The following SMNDC1 variants were observed in gnomAD, a reference collection of about 807,000 sequenced individuals.
SMNDC1 encodes survival of motor neuron-related-splicing factor 30.
Under a neutral mutation model 29.2 loss-of-function variants are expected in SMNDC1, and 5 were observed. The ratio of observed to expected loss-of-function variants is 0.17; its 90% CI spans 0.09 to 0.36. SMNDC1 has a LOEUF of 0.36. SMNDC1 is among the 10% of genes least tolerant of loss of function. The pLI, the probability that SMNDC1 is intolerant of heterozygous loss-of-function variation, is 1.00. For synonymous variants in SMNDC1, 80 were observed against 89.9 expected (o/e 0.89, Z 0.62); for missense variants, 142 against 268.5 (o/e 0.53, Z 3.29).
At chr10:110,300,077 ATCTGG>A (rs2134502820) in intron 2 of SMNDC1, among the ~76,000 whole-genome samples, 1 of 152,336 alleles carries the variant, frequency 6.6e-6, no homozygotes, top group African/African-American at 2.4e-5. Context: ...AGAGTAAATT[ATCTGG>A]TCTTATTTTT....
In SMNDC1 at chr10:110,303,578, C is replaced by T; in HGVS notation, c.10G>A (p.Asp4Asn). The T allele has an allele frequency of 6.3e-7, 1 of 1,583,316 alleles. No homozygotes were observed. Among genetic ancestry groups the T allele is most frequent in the Non-Finnish European group, 8.6e-7 (1 of 1,169,400 alleles). MSE[D>N]LAKQLASYKA... ...TAGCTTGCCAGCTGCTTTGCTAAAT[C>T]CTCTGACATCTAGGGAAAATAAAAA... Residue 4 changes from aspartate to asparagine, a missense_variant, in exon 2 of 6, where the codon GAT becomes AAT. By Grantham distance (23) the Asp-to-Asn change is conservative (BLOSUM62 1). Coordinates refer to ENST00000369603, the MANE Select transcript of SMNDC1 (RefSeq NM_005871.4).
chr10:110,297,613 C>T lies in SMNDC1; in HGVS notation c.379G>A (p.Glu127Lys). Residue 127 changes from glutamate to lysine, a missense_variant, in exon 4 of 6, where the codon GAA becomes AAA. By Grantham distance (56) the Glu-to-Lys change is moderately conservative. Transcript: ENST00000369603. ...TPLLNLKPVE[E>K]GRKAKEDSGN... ...CTGTCCTCCTTTGCCTTCCTTCCTT[C>T]TTCTACAGGCTTGAGGTTCAACAGT... The T allele has an allele frequency of 6.2e-7, 1 of 1,614,000 alleles. No individual in the cohort carries two copies. Among genetic ancestry groups the T allele is most frequent in the Non-Finnish European group, 8.5e-7 (1 of 1,179,934 alleles).
At chr10:110,294,640 T>C (rs958806546) in intron 5 of SMNDC1, among the ~76,000 whole-genome samples, 2 of 152,260 alleles carry the variant, frequency 1.3e-5, no homozygotes, top group Non-Finnish European at 2.9e-5. Flanking sequence ...GGGCCTGTTA[T>C]GATAGCCAAA....
chr10:110,303,670 T>A (rs1857692664), intron 1 of SMNDC1, 83 bp from the exon 2 acceptor site: 2 of 1,417,738 alleles, frequency 1.4e-6, no homozygotes, highest in Non-Finnish European at 1.9e-6. Flanking sequence ...TCTGCCTGAA[T>A]TACCAGTTTT....
intron 2 of SMNDC1, among the ~76,000 whole-genome samples, chr10:110,302,431 G>C (rs1206876975): frequency 6.6e-6 from 1 of 152,156 alleles, no homozygotes; most frequent in Admixed American, 6.5e-5. Context: ...TGTAGAACTT[G>C]AAAGTATTCA....
rs1477959785 is a variant in SMNDC1 at position 110,297,649 on chromosome 10, C to T, written c.343G>A (p.Glu115Lys). The T allele has an allele frequency of 6.2e-7, 1 of 1,613,922 alleles. No homozygotes were observed. The highest frequency in any genetic ancestry group is 8.5e-7 in the Non-Finnish European group (1 of 1,179,952). ...TTGAGGTTCAACAGTGGAGTCACTT[C>T]AGCATTGCCATAACCAGCAAAGGTG... The part of the protein sequence containing the change: ...AITFAGYGNA[E>K]VTPLLNLKPV... The change falls in exon 4 of 6, where the codon GAA (glutamate) becomes AAA (lysine). Residue 115 changes from glutamate (E) to lysine (K), a missense_variant. Around this residue, in one of 4 missense-constraint regions of SMNDC1, gnomAD observed 54 missense variants for 152.1 expected, o/e 0.36. Coordinates refer to ENST00000369603, the MANE Select transcript of SMNDC1 (RefSeq NM_005871.4).
At position 110,294,166 on chromosome 10, in the gene SMNDC1, T is replaced by TGCCTGACATTGTATTTAGAG; in HGVS notation, c.681_700dup (p.His234ProfsTer9). 1 of 1,590,058 alleles carries TGCCTGACATTGTATTTAGAG rather than the reference T, an allele frequency of 6.3e-7. No homozygotes were observed. Among genetic ancestry groups the TGCCTGACATTGTATTTAGAG allele is most frequent in the Non-Finnish European group, 8.5e-7 (1 of 1,171,368 alleles). On this transcript the variant is annotated frameshift_variant, in exon 6 of 6. Transcript: ENST00000369603. LOFTEE classifies it high-confidence loss of function. ...TTTTTCTGATTATTGAGGCATCAAA[T>TGCCTGACATTGTATTTAGAG]GCCTGACATTGTATTTAGAGGTATC...
chr10:110,293,802 G>A lies in SMNDC1; in HGVS notation c.*348C>T, dbSNP rs1391671555. The A allele has an allele frequency of 6.2e-6, 1 of 160,302 alleles. No homozygotes were observed. The highest frequency in any genetic ancestry group is 2.4e-5 in the African/African-American group (1 of 41,786). 9.9% of individuals were successfully genotyped at this position (160,302 alleles called of 1,614,324 possible). A position where few individuals can be genotyped will look rare whatever the true frequency, so the allele number is the denominator to read the frequency against. Reference sequence around the variant, plus strand: ...TGCTAGAGTATGTGTCAAGTTCAAAGCATCTGAAAATTTCAAGTTACAACT... The same window carrying A: ...TGCTAGAGTATGTGTCAAGTTCAAAACATCTGAAAATTTCAAGTTACAACT... On this transcript the variant is annotated 3_prime_UTR_variant, in exon 6 of 6. Coordinates refer to ENST00000369603, the MANE Select transcript of SMNDC1 (RefSeq NM_005871.4).
chr10:110,303,306 G>T (rs895556350), intron 2 of SMNDC1, among the ~76,000 whole-genome samples, 162 bp downstream of exon 2: 2 of 152,170 alleles, frequency 1.3e-5, no homozygotes, highest in African/African-American at 4.8e-5. Context: ...AGAAACCTGA[G>T]AACTGGGGAA....
chr10:110,298,393 A>G (rs1857597747), intron 3 of SMNDC1, among the ~76,000 whole-genome samples: 2 of 152,218 alleles, frequency 1.3e-5, no homozygotes, highest in African/African-American at 4.8e-5. Flanking sequence ...AATTTAGATT[A>G]TTTTAGAAAA....
rs1857522808 is a variant in SMNDC1, at chr10:110,293,472, A to G, written c.*678T>C. 1 of 152,522 alleles carries G rather than the reference A, an allele frequency of 6.6e-6. No homozygotes were observed. The highest frequency in any genetic ancestry group is 1.5e-5 in the Non-Finnish European group (1 of 68,018). 9.4% of individuals were successfully genotyped at this position (152,522 alleles called of 1,614,324 possible). ...TACCACTGCCGTAAATGGAAAAAACAAAAAACAGGAAAAAAGCAAACATAC... is the reference window on the plus strand; with the variant it reads ...TACCACTGCCGTAAATGGAAAAAACGAAAAACAGGAAAAAAGCAAACATAC... On this transcript the variant is annotated 3_prime_UTR_variant, in exon 6 of 6. Coordinates refer to ENST00000369603, the MANE Select transcript of SMNDC1 (RefSeq NM_005871.4).
rs1465085970 is a variant in SMNDC1, at chr10:110,291,421, A to G, written c.*2729T>C. The G allele has an allele frequency of 6.6e-6, 1 of 152,218 alleles. No individual in the cohort carries two copies. The highest frequency in any genetic ancestry group is 2.4e-5 in the African/African-American group (1 of 41,458). The allele number at this position is 152,218 out of a possible 1,614,324, so 9.4% of individuals were successfully genotyped here. A position where few individuals can be genotyped will look rare whatever the true frequency, so the allele number is the denominator to read the frequency against. The stretch of plus-strand genomic sequence containing the variant: ...GGTAATTTGATAACACTTCAATAAT[A>G]CAGTTATAATTGGATGCCTCAAATC... On this transcript the variant is annotated 3_prime_UTR_variant, in exon 6 of 6. Transcript: ENST00000369603.
In SMNDC1 at chr10:110,298,856, T is replaced by A. The variant is rs1214419719; in HGVS notation, c.121-66A>T. ...TTCTCATTGTCAACTTAGTTTCTGA[T>A]GACAGCCTTCATACTGTACGTTAAG... On this transcript the variant is annotated intron_variant, in intron 2 of 5. Transcript: ENST00000369603. 9 of 1,295,232 alleles carry A rather than the reference T, an allele frequency of 6.9e-6. 1 individual carries two copies. The highest frequency in any genetic ancestry group is 4.1e-4 in the Middle Eastern group (2 of 4,838). 80.2% of individuals were successfully genotyped at this position (1,295,232 alleles called of 1,614,324 possible). A position where few individuals can be genotyped will look rare whatever the true frequency, so the allele number is the denominator to read the frequency against.
At position 110,302,364 on chromosome 10, in the gene SMNDC1, A is replaced by C. The variant is rs117129020; in HGVS notation, c.120+1104T>G. Among the ~76,000 whole-genome samples the C allele has an allele frequency of 1.9e-3, 290 of 152,322 alleles. 5 individuals carry two copies. In the East Asian group the frequency reaches 0.051, roughly 27 times the overall value. On this transcript the variant is annotated intron_variant, in intron 2 of 5. Coordinates refer to ENST00000369603, the MANE Select transcript of SMNDC1 (RefSeq NM_005871.4). Reference sequence around the variant, plus strand: ...GAGGGGTCTTGTTCATATTGAAATTAACCCAGATAGTTTGTGTGTGTTTAA... The same window carrying C: ...GAGGGGTCTTGTTCATATTGAAATTCACCCAGATAGTTTGTGTGTGTTTAA...
At chr10:110,295,169 AGTTATTTTAAT>A in intron 5 of SMNDC1, 48 bp downstream of exon 5, 1 of 1,455,408 alleles carries the variant, frequency 6.9e-7, no homozygotes, top group Non-Finnish European at 9.3e-7. Flanking sequence ...TTCATTTTAA[AGTTATTTTAAT>A]GACAGTTGCA....
In SMNDC1 at chr10:110,291,119, G is replaced by T. The variant is rs1857494988; in HGVS notation, c.*3031C>A. The T allele has an allele frequency of 6.6e-6, 1 of 152,166 alleles. No individual in the cohort carries two copies. Among genetic ancestry groups the T allele is most frequent in the African/African-American group, 2.4e-5 (1 of 41,434 alleles). The allele number at this position is 152,166 out of a possible 1,614,324, so 9.4% of individuals were successfully genotyped here. A position where few individuals can be genotyped will look rare whatever the true frequency, so the allele number is the denominator to read the frequency against. On this transcript the variant is annotated 3_prime_UTR_variant, in exon 6 of 6. Coordinates refer to ENST00000369603, the MANE Select transcript of SMNDC1 (RefSeq NM_005871.4). ...CCTAGTCTTCATGATTAGGCTAAAA[G>T]GTAATTTTTCTTCATTTCCAAAGTC...
intron 2 of SMNDC1, among the ~76,000 whole-genome samples, chr10:110,299,174 C>T (rs1191851681): frequency 6.6e-6 from 1 of 152,218 alleles, no homozygotes; most frequent in Admixed American, 6.5e-5. Flanking sequence ...TTTTATGCAA[C>T]TGTACTGTTT....
intron 5 of SMNDC1, among the ~76,000 whole-genome samples, chr10:110,294,668 C>T (rs1314407349): frequency 1.3e-5 from 2 of 152,164 alleles, no homozygotes; most frequent in Non-Finnish European, 2.9e-5. Context: ...GTCCCTTGGC[C>T]TTTGTCACAA....
chr10:110,303,280 T>G (rs1857684613), intron 2 of SMNDC1, among the ~76,000 whole-genome samples, 188 bp downstream of exon 2: 2 of 152,194 alleles, frequency 1.3e-5, no homozygotes, highest in South Asian at 4.1e-4. Flanking sequence ...AAGAACAATA[T>G]TTCACTCTGA....
Sources: gnomAD v4.1 joint callset for allele counts (sites outside exome capture counted in the v4.1 genomes callset) on GRCh38, gnomAD v4.1.1 for gene constraint, gnomAD v4.1.1 regional missense constraint, MANE v1.5 for transcripts, NCBI Gene and HGNC (gene_info 2026-07-23, HGNC 2026-07-21) for gene names.